Variants in FBXL17 observed in about 807,000 individuals in gnomAD.
FBXL17 encodes the protein F-box/LRR-repeat protein 17.
Under a neutral mutation model 66.2 loss-of-function variants are expected in FBXL17, and 22 were observed. The ratio of observed to expected loss-of-function variants is 0.33; its 90% confidence interval spans 0.24 to 0.47. The LOEUF is 0.47. Ranked by LOEUF, FBXL17 falls within the 20% of genes least tolerant of loss-of-function variation. The probability of loss-of-function intolerance (pLI) is 1.00; values close to 1 mark genes in which losing one functional copy is unlikely to be tolerated. For synonymous variants in FBXL17, 474 were observed against 400.5 expected (o/e 1.18, Z -2.19); for missense variants, 878 against 948.2 (o/e 0.93, Z 0.97).
intron 8 of FBXL17, chr5:107,880,774 C>A: frequency 7.6e-7 from 1 of 1,316,158 alleles, no homozygotes; most frequent in Non-Finnish European, 9.6e-7. Flanking sequence ...GGATGCCAAA[C>A]TCTAGTTGAC....
intron 7 of FBXL17, among the ~76,000 whole-genome samples, chr5:107,910,502 A>G (rs1024378300): frequency 2.0e-5 from 3 of 152,076 alleles, no homozygotes; most frequent in African/African-American, 7.2e-5. Flanking sequence ...AAAGCCATAA[A>G]CAAGTTAAGA....
intron 7 of FBXL17, among the ~76,000 whole-genome samples, chr5:107,992,907 T>C (rs1053981390): frequency 2.0e-5 from 3 of 152,102 alleles, no homozygotes; most frequent in Admixed American, 6.5e-5. Flanking sequence ...CTTCCTCTTT[T>C]TTTTTTGAGA....
intron 6 of FBXL17, among the ~76,000 whole-genome samples, chr5:108,033,456 T>G (rs1188314858): frequency 6.6e-6 from 1 of 152,160 alleles, no homozygotes; most frequent in Non-Finnish European, 1.5e-5. Context: ...CCTAACAAGA[T>G]CTAGAGTATT....
Position 107,995,090 on chromosome 5 carries a change from C to A in FBXL17, c.1822+25835G>T, listed in dbSNP as rs184664269. 5.0e-3 allele frequency among the ~76,000 whole-genome samples: 768 copies of A among 152,082 alleles called. 2 individuals carry two copies. Among genetic ancestry groups the A allele is most frequent in the Middle Eastern group, 0.01 (3 of 294 alleles). ...CAGTTTGTGAAGATTCACTGAACTG[C>A]GTACTTATGATAGGTGTGCAATTTT... On this transcript the variant is annotated intron_variant, in intron 7 of 8. Transcript: ENST00000542267.
At chr5:107,955,267 TTCTC>T (rs1212923622) in intron 7 of FBXL17, among the ~76,000 whole-genome samples, 1 of 152,024 alleles carries the variant, frequency 6.6e-6, no homozygotes, top group Admixed American at 6.6e-5. Context: ...AAATAGTTCT[TTCTC>T]TCACCTAAAT....
At chr5:108,016,706 C>T (rs969118996) in intron 7 of FBXL17, among the ~76,000 whole-genome samples, 4 of 152,256 alleles carry the variant, frequency 2.6e-5, no homozygotes, top group South Asian at 2.1e-4. Context: ...GTTGATTTCA[C>T]CTTCTTGTCT....
intron 7 of FBXL17, among the ~76,000 whole-genome samples, chr5:107,933,795 T>C (rs1262275270): frequency 6.6e-6 from 1 of 152,142 alleles, no homozygotes; most frequent in Non-Finnish European, 1.5e-5. Flanking sequence ...CCCTAACTGT[T>C]TTGACTTTGA....
intron 6 of FBXL17, among the ~76,000 whole-genome samples, chr5:108,154,287 G>GAA (rs56042627): frequency 4.1e-5 from 4 of 98,394 alleles, no homozygotes; most frequent in East Asian, 3.1e-4. Flanking sequence ...GATCACAGCT[G>GAA]AAAAAAAAAA....
intron 6 of FBXL17, among the ~76,000 whole-genome samples, chr5:108,106,937 T>C (rs1318269460): frequency 1.3e-5 from 2 of 152,158 alleles, no homozygotes; most frequent in Non-Finnish European, 2.9e-5. Flanking sequence ...TTTTGTGGTA[T>C]GTAAATTACA....
chr5:108,198,492 T>C (rs1383160402), intron 5 of FBXL17, among the ~76,000 whole-genome samples: 1 of 152,164 alleles, frequency 6.6e-6, no homozygotes, highest in Non-Finnish European at 1.5e-5. Context: ...ATTTCATTTT[T>C]CATGGTTATT....
chr5:108,318,554 T>C (rs1000343867), intron 4 of FBXL17, among the ~76,000 whole-genome samples: 16 of 151,898 alleles, frequency 1.1e-4, no homozygotes, highest in African/African-American at 3.9e-4. Flanking sequence ...GCATTTAATA[T>C]CTTTCACTAT....
chr5:108,162,169 G>C (rs1273684168), intron 6 of FBXL17, among the ~76,000 whole-genome samples: 1 of 152,170 alleles, frequency 6.6e-6, no homozygotes, highest in Non-Finnish European at 1.5e-5. Flanking sequence ...TCTACTCACT[G>C]CTTTATTCCA....
chr5:108,265,588 G>T (rs996871251), intron 4 of FBXL17, among the ~76,000 whole-genome samples: 1 of 152,034 alleles, frequency 6.6e-6, no homozygotes, highest in Non-Finnish European at 1.5e-5. Context: ...ACCAACCATT[G>T]TTCTTAGGGC....
intron 6 of FBXL17, among the ~76,000 whole-genome samples, chr5:108,032,067 C>T (rs115773150): frequency 2.1e-4 from 32 of 152,220 alleles, no homozygotes; most frequent in African/African-American, 7.7e-4. Flanking sequence ...AAATCTCTTC[C>T]CAAAGGGAAT....
At chr5:108,095,857 A>G (rs1450839727) in intron 6 of FBXL17, among the ~76,000 whole-genome samples, 1 of 152,194 alleles carries the variant, frequency 6.6e-6, no homozygotes, top group Non-Finnish European at 1.5e-5. Flanking sequence ...AGAAGTAAGA[A>G]AAACTGATAA....
chr5:107,941,649 G>A (rs1751104661), intron 7 of FBXL17, among the ~76,000 whole-genome samples: 1 of 152,142 alleles, frequency 6.6e-6, no homozygotes, highest in African/African-American at 2.4e-5. Flanking sequence ...ACAAGACTTG[G>A]TGACTAAGGA....
In FBXL17 at chr5:108,178,524, T is replaced by C. The variant is rs57865314; in HGVS notation, c.1745+7593A>G. On this transcript the variant is annotated intron_variant, in intron 6 of 8. Transcript: ENST00000542267. ...TTAGAAAGACTCCATTCTGTTTCTA[T>C]AATCCTCTCAGAACTCAGTAAAATA... 7.0e-3 allele frequency among the ~76,000 whole-genome samples: 1,063 copies of C among 152,330 alleles called. 16 individuals carry two copies. The highest frequency in any genetic ancestry group is 0.024 in the African/African-American group (1,010 of 41,570).
intron 7 of FBXL17, among the ~76,000 whole-genome samples, chr5:107,900,304 T>A (rs1451408970): frequency 6.6e-6 from 1 of 152,130 alleles, no homozygotes; most frequent in Non-Finnish European, 1.5e-5. Context: ...ACCCACAATA[T>A]ATGTAATAGT....
intron 6 of FBXL17, among the ~76,000 whole-genome samples, chr5:108,146,976 C>G (rs1182680765): frequency 6.6e-6 from 1 of 152,174 alleles, no homozygotes; most frequent in African/African-American, 2.4e-5. Context: ...GCAGATTCAA[C>G]ATCTGATGAA....
Sources: gnomAD v4.1 joint callset for allele counts (sites outside exome capture counted in the v4.1 genomes callset) on GRCh38, gnomAD v4.1.1 for gene constraint, MANE v1.5 for transcripts, NCBI Gene and HGNC (gene_info 2026-07-23, HGNC 2026-07-21) for gene names.